The following ATN1 variants were observed in gnomAD, a reference collection of about 807,000 sequenced individuals.
The protein encoded by ATN1 is atrophin 1.
A neutral mutation model predicts 85.8 loss-of-function variants in ATN1; 19 were observed. The ratio of observed to expected loss-of-function variants is 0.22; its 90% CI spans 0.15 to 0.32. The LOEUF is 0.32. Ranked by LOEUF, ATN1 falls within the 10% of genes least tolerant of loss-of-function variation. ATN1 has a pLI of 1.00. For missense variants in ATN1, 1,453 were observed against 1,564.5 expected, an observed-to-expected ratio of 0.93 and a Z score of 1.20; for synonymous variants, 674 against 657.0, an observed-to-expected ratio of 1.03 and a Z score of -0.39.
chr12:6,927,416 C>T (rs1428584496), upstream of ATN1, among the ~76,000 whole-genome samples: 3 of 151,890 alleles, frequency 2.0e-5, no homozygotes, highest in Non-Finnish European at 4.4e-5. Flanking sequence ...TTATCCCAAT[C>T]TCTACCCCAG....
chr12:6,932,618 ACAC>A (rs1459033179), intron 1 of ATN1, among the ~76,000 whole-genome samples: 1 of 152,220 alleles, frequency 6.6e-6, no homozygotes, highest in African/African-American at 2.4e-5. Flanking sequence ...AACCCAGTCT[ACAC>A]CAAGTAGGAG....
chr12:6,937,707 A>T lies in ATN1; in HGVS notation c.2295-138A>T. ...TCTCCTCCGTCCAGGCCTAGTGGCC[A>T]GTGAGGCCCGCAGCAGCTCACAGCC... On this transcript the variant is annotated intron_variant, in intron 5 of 9. Transcript: ENST00000396684. The surrounding 1 kb of genome is among the most constrained non-coding windows in gnomAD (Gnocchi z 6.0). 6.9e-7 allele frequency: 1 copy of T among 1,441,026 alleles called. No homozygotes were observed. Among genetic ancestry groups the T allele is most frequent in the Non-Finnish European group, 9.1e-7 (1 of 1,099,106 alleles). 89.3% of individuals were successfully genotyped at this position (1,441,026 alleles called of 1,614,324 possible). A position where few individuals can be genotyped will look rare whatever the true frequency, so the allele number is the denominator to read the frequency against.
At position 6,934,562 on chromosome 12, in the gene ATN1, A is replaced by C. The variant is rs1555143362; in HGVS notation, c.263A>C (p.Lys88Thr). 6 of 1,562,264 alleles carry C rather than the reference A, an allele frequency of 3.8e-6. No individual in the cohort carries two copies. The highest frequency in any genetic ancestry group is 4.3e-6 in the Non-Finnish European group (5 of 1,152,658). ...ESESEETNAP[K>T]KTKTEQELPR... is the part of the protein sequence containing the mutation. ...GAAAGTGAGGAGACCAATGCACCAA[A>C]AAAGACCAAAACTGAGGTGGGAAAC... The change falls in exon 4 of 10, where the codon AAA (lysine) becomes ACA (threonine). Residue 88 changes from lysine to threonine, a missense_variant. Around this residue, in one of 6 missense-constraint regions of ATN1, gnomAD observed 130 missense variants for 158.2 expected, o/e 0.82. Coordinates refer to ENST00000396684, the MANE Select transcript of ATN1 (RefSeq NM_001940.4). The surrounding 1 kb of genome is among the most constrained non-coding windows in gnomAD (Gnocchi z 4.5).
chr12:6,936,654 C>T lies in ATN1; in HGVS notation c.1387C>T (p.Pro463Ser). Residue 463 changes from proline (P) to serine (S), a missense_variant, in exon 5 of 10, where the codon CCT (proline) becomes TCT (serine). Pro to Ser is a moderately conservative substitution (Grantham distance 74). Transcript: ENST00000396684. ...CAGCAATGCCCATCCAGGCCCCTTC[C>T]CTCCCTCTACTGGGGCCCAGTCCAC... ...ANSNAHPGPFPPSTGAQSTAH... is the reference protein window; with the variant it reads ...ANSNAHPGPFSPSTGAQSTAH... 6.2e-7 allele frequency: 1 copy of T among 1,613,812 alleles called. No homozygotes were observed. Among genetic ancestry groups the T allele is most frequent in the Non-Finnish European group, 8.5e-7 (1 of 1,179,934 alleles).
chr12:6,931,921 G>A (rs1383043008), intron 1 of ATN1, among the ~76,000 whole-genome samples: 1 of 148,576 alleles, frequency 6.7e-6, no homozygotes, highest in Non-Finnish European at 1.5e-5. Context: ...TGTAATCCCA[G>A]CTATTCAGGA....
chr12:6,926,421 C>A (rs782309574), upstream of ATN1, among the ~76,000 whole-genome samples: 22 of 152,198 alleles, frequency 1.4e-4, no homozygotes, highest in Non-Finnish European at 2.4e-4. Context: ...CCAGCAACCT[C>A]CCCCCGCTCC....
Position 6,941,907 on chromosome 12 carries a change from A to G in ATN1, c.*127A>G. The G allele has an allele frequency of 1.1e-6, 1 of 917,282 alleles. No homozygotes were observed. Among genetic ancestry groups the G allele is most frequent in the Non-Finnish European group, 1.8e-6 (1 of 567,996 alleles). 56.8% of individuals were successfully genotyped at this position (917,282 alleles called of 1,614,324 possible). A position where few individuals can be genotyped will look rare whatever the true frequency, so the allele number is the denominator to read the frequency against. On this transcript the variant is annotated 3_prime_UTR_variant, in exon 10 of 10. Coordinates refer to ENST00000396684, the MANE Select transcript of ATN1 (RefSeq NM_001940.4). This position sits in a 1 kb window ranked among gnomAD's most constrained non-coding sequence, Gnocchi z 5.9. Reference sequence around the variant, plus strand: ...TGCTGCTCAGTTGCAGGGCCTCCGCAGCTGGACAGAGAGTGGGGGAGGGAG... The same window carrying G: ...TGCTGCTCAGTTGCAGGGCCTCCGCGGCTGGACAGAGAGTGGGGGAGGGAG...
At chr12:6,931,731 G>GAAA (rs371352720) in intron 1 of ATN1, among the ~76,000 whole-genome samples, 1 of 117,914 alleles carries the variant, frequency 8.5e-6, no homozygotes, top group African/African-American at 3.2e-5. Context: ...AAAAAAAAAG[G>GAAA]AAAAAAAAAG....
At chr12:6,927,000 C>T (rs781424874), upstream of ATN1, among the ~76,000 whole-genome samples, 237 of 152,002 alleles carry the variant, frequency 1.6e-3, 1 homozygote, top group Non-Finnish European at 3.0e-3. Flanking sequence ...TCACCCAGAA[C>T]CTATTTTCCC....
Position 6,936,794 on chromosome 12 carries a change from CCCT to C in ATN1, c.1534_1536del (p.Pro512del), listed in dbSNP as rs1565566919. ...AGCAGCATCACGGAAACTCTGGGCCCCCTCCTCCTGGAGCATTTCCCCACCCAC... is the reference window on the plus strand; with the variant it reads ...AGCAGCATCACGGAAACTCTGGGCCCCCTCCTGGAGCATTTCCCCACCCAC... On this transcript the variant is annotated inframe_deletion, in exon 5 of 10. Coordinates refer to ENST00000396684, the MANE Select transcript of ATN1 (RefSeq NM_001940.4). 1 of 1,609,496 alleles carries C rather than the reference CCCT, an allele frequency of 6.2e-7. No homozygotes were observed. Among genetic ancestry groups the C allele is most frequent in the Admixed American group, 1.7e-5 (1 of 59,876 alleles).
In ATN1 at chr12:6,928,238, G is replaced by A. The variant is rs1404335543; in HGVS notation, c.-309G>A. 1.0e-4 allele frequency: 15 copies of A among 148,586 alleles called. No homozygotes were observed. The highest frequency in any genetic ancestry group is 3.7e-4 in the African/African-American group (15 of 40,658). 9.2% of individuals were successfully genotyped at this position (148,586 alleles called of 1,614,324 possible). On this transcript the variant is annotated 5_prime_UTR_variant, in exon 1 of 10. Transcript: ENST00000396684. ...GGGGATGGGGGCCGCCCTCCGGGGG[G>A]GTCGGGGCCGCCGCCGCCGTCGTCG...
chr12:6,937,652 C>A lies in ATN1; in HGVS notation c.2294+91C>A. 1 of 1,430,206 alleles carries A rather than the reference C, an allele frequency of 7.0e-7. No homozygotes were observed. The highest frequency in any genetic ancestry group is 9.2e-7 in the Non-Finnish European group (1 of 1,089,554). 88.6% of individuals were successfully genotyped at this position (1,430,206 alleles called of 1,614,324 possible). On this transcript the variant is annotated intron_variant, in intron 5 of 9. Coordinates refer to ENST00000396684, the MANE Select transcript of ATN1 (RefSeq NM_001940.4). This position sits in a 1 kb window ranked among gnomAD's most constrained non-coding sequence, Gnocchi z 6.0. ...GGGAGTAGCAGGGAGGGGCCTTGCG[C>A]TGGTGTAGTGTTTTAGAAAAGCACG...
rs782532608 is a variant in ATN1, at chr12:6,941,477, G to A, written c.3462G>A (p.Ala1154=). Residue 1154 remains alanine (A), a synonymous_variant, in exon 9 of 10, where the codon GCG becomes GCA. Coordinates refer to ENST00000396684, the MANE Select transcript of ATN1 (RefSeq NM_001940.4). The surrounding 1 kb of genome is among the most constrained non-coding windows in gnomAD (Gnocchi z 5.9). Reference sequence around the variant, plus strand: ...AGTCAGCTGAGCTGCAGCGCTTGGCGCTGGAACAGCAGCAGTGGCTGCATG... The same window carrying A: ...AGTCAGCTGAGCTGCAGCGCTTGGCACTGGAACAGCAGCAGTGGCTGCATG... The part of the protein sequence containing the change: ...HAQSAELQRL[A]LEQQQWLHAH... 4.3e-6 allele frequency: 7 copies of A among 1,612,824 alleles called. No individual in the cohort carries two copies. The African/African-American group carries it at 6.7e-5, about 15-fold the overall frequency.
upstream of ATN1, among the ~76,000 whole-genome samples, chr12:6,924,763 C>T (rs1351472702): frequency 1.3e-5 from 2 of 152,076 alleles, no homozygotes; most frequent in Non-Finnish European, 2.9e-5. Context: ...CTTTATGCCT[C>T]CCTTGGGGTT....
Position 6,938,615 on chromosome 12 carries a change from C to T in ATN1, c.2652C>T (p.Arg884=), listed in dbSNP as rs782507869. 1 of 1,614,238 alleles carries T rather than the reference C, an allele frequency of 6.2e-7. No individual in the cohort carries two copies. The highest frequency in any genetic ancestry group is 8.5e-7 in the Non-Finnish European group (1 of 1,180,032). Reference sequence around the variant, plus strand: ...TGGGTCCTGACACTCCAGCCTTGCGCACTCTCAGTGAATATGCCCGGCCTC... The same window carrying T: ...TGGGTCCTGACACTCCAGCCTTGCGTACTCTCAGTGAATATGCCCGGCCTC... ...PYLGPDTPAL[R]TLSEYARPHV... The change falls in exon 7 of 10, where the codon CGC becomes CGT. Residue 884 remains arginine, a synonymous_variant. Transcript: ENST00000396684.
At chr12:6,930,855 T>C (rs973513100) in intron 1 of ATN1, among the ~76,000 whole-genome samples, 6 of 151,942 alleles carry the variant, frequency 3.9e-5, no homozygotes, top group African/African-American at 1.2e-4. Context: ...TGAAGGTGAA[T>C]GTGCTTAGTA....
chr12:6,924,787 T>C (rs1027732315), upstream of ATN1, among the ~76,000 whole-genome samples: 2 of 152,136 alleles, frequency 1.3e-5, no homozygotes, highest in African/African-American at 2.4e-5. Flanking sequence ...TGTACTTTCC[T>C]CTGTGCCTCT....
intron 7 of ATN1, among the ~76,000 whole-genome samples, chr12:6,939,444 T>C (rs989405979): frequency 7.2e-5 from 11 of 152,226 alleles, no homozygotes; most frequent in African/African-American, 2.7e-4. Context: ...ACGGGAGCTT[T>C]TGAAGGACAC....
chr12:6,929,816 A>G (rs2138202112), intron 1 of ATN1, among the ~76,000 whole-genome samples: 1 of 151,936 alleles, frequency 6.6e-6, no homozygotes, highest in East Asian at 1.9e-4. Context: ...TCTGACCTCT[A>G]CCTCCCTTAT....
Sources: gnomAD v4.1 joint callset for allele counts (sites outside exome capture counted in the v4.1 genomes callset) on GRCh38, gnomAD v4.1.1 for gene constraint, gnomAD v4.1.1 regional missense constraint, Gnocchi (gnomAD v3.1) non-coding constraint, MANE v1.5 for transcripts, NCBI Gene and HGNC (gene_info 2026-07-23, HGNC 2026-07-21) for gene names.